The following NSUN4 variants were observed in gnomAD, a reference collection of about 807,000 sequenced individuals.
NSUN4 encodes NOP2/Sun RNA methyltransferase 4.
A neutral mutation model predicts 43.8 loss-of-function variants in NSUN4; 31 were observed. The ratio of observed to expected loss-of-function variants is 0.71; its 90% CI spans 0.53 to 0.96. The LOEUF (loss-of-function observed/expected upper bound fraction) is 0.96. Ranked by LOEUF, NSUN4 falls within the 40% of genes least tolerant of loss-of-function variation. The probability of loss-of-function intolerance (pLI) is 0.00; values close to 1 mark genes in which losing one functional copy is unlikely to be tolerated. For synonymous variants in NSUN4, 167 were observed against 184.1 expected, an observed-to-expected ratio of 0.91 and a Z score of 0.75; for missense variants, 439 against 475.6, an observed-to-expected ratio of 0.92 and a Z score of 0.72.
At chr1:46,380,634 A>G in the NSUN4 span, among the ~76,000 whole-genome samples, 219 of 152,334 alleles carry the variant, frequency 1.4e-3, 1 homozygote, top group Middle Eastern at 6.8e-3. Flanking sequence ...AACTTGCTTA[A>G]TGTTCACATC....
downstream of NSUN4, among the ~76,000 whole-genome samples, chr1:46,368,993 G>T (rs553793727): frequency 2.6e-5 from 4 of 152,190 alleles, no homozygotes; most frequent in Non-Finnish European, 5.9e-5. Flanking sequence ...GTCATGCCTT[G>T]CTGCTCCCCT....
chr1:46,381,705 T>C, the NSUN4 span, among the ~76,000 whole-genome samples: 5 of 152,220 alleles, frequency 3.3e-5, no homozygotes, highest in African/African-American at 1.2e-4. Context: ...GCTTCTCATT[T>C]TGCAAAAGGA....
intron 3 of NSUN4, among the ~76,000 whole-genome samples, chr1:46,352,147 TAAAAAA>T (rs35949811): frequency 2.2e-5 from 3 of 135,694 alleles, no homozygotes; most frequent in African/African-American, 5.4e-5. Context: ...ACCCTGTCTT[TAAAAAA>T]AAAAAAAAAG....
chr1:46,362,076 C>A lies in NSUN4; in HGVS notation c.*230C>A, dbSNP rs1392847653. ...CATTAACCCCTACCCCATCTCCAGG[C>A]CTGTACTAAAGTTTGCTGCCCGCTT... On this transcript the variant is annotated 3_prime_UTR_variant, in exon 6 of 6. Coordinates refer to ENST00000474844, the MANE Select transcript of NSUN4 (RefSeq NM_199044.4). 2 of 564,784 alleles carry A rather than the reference C, an allele frequency of 3.5e-6. No individual in the cohort carries two copies. The highest frequency in any genetic ancestry group is 6.3e-6 in the Non-Finnish European group (2 of 317,022). The allele number at this position is 564,784 out of a possible 1,614,324, so 35.0% of individuals were successfully genotyped here. A position where few individuals can be genotyped will look rare whatever the true frequency, so the allele number is the denominator to read the frequency against.
At chr1:46,377,696 CTTTTA>C in the NSUN4 span, among the ~76,000 whole-genome samples, 1 of 152,160 alleles carries the variant, frequency 6.6e-6, no homozygotes, top group Admixed American at 6.5e-5. Flanking sequence ...TTTAGTCACA[CTTTTA>C]TTTTATCTAA....
intron 4 of NSUN4, among the ~76,000 whole-genome samples, chr1:46,360,194 A>T (rs1480455761): frequency 7.6e-6 from 1 of 130,864 alleles, no homozygotes; most frequent in Non-Finnish European, 1.6e-5. Flanking sequence ...GCGCCACTGC[A>T]CTCCAGCCTG....
At position 46,352,911 on chromosome 1, in the gene NSUN4, A is replaced by G. The variant is rs756613560; in HGVS notation, c.636A>G (p.Arg212=). 5 of 1,614,080 alleles carry G rather than the reference A, an allele frequency of 3.1e-6. No homozygotes were observed. The highest frequency in any genetic ancestry group is 2.5e-6 in the Non-Finnish European group (3 of 1,180,032). Residue 212 remains arginine (R), a synonymous_variant, in exon 4 of 6, where the codon AGA becomes AGG. Transcript: ENST00000474844. ...ANDLSPSRIA[R]LQKILHSYVP... The stretch of plus-strand genomic sequence containing the variant: ...ATCTCTCCCCGTCCCGAATAGCCAG[A>G]CTACAGAAGATCCTTCACAGCTATG...
intron 4 of NSUN4, among the ~76,000 whole-genome samples, chr1:46,360,246 AAAAATAT>A (rs1344880064): frequency 2.1e-4 from 6 of 28,638 alleles, no homozygotes; most frequent in African/African-American, 5.7e-4. Flanking sequence ...AAAAAAAAAA[AAAAATAT>A]ATATATATAT....
At chr1:46,366,761 T>C (rs1018353120), downstream of NSUN4, among the ~76,000 whole-genome samples, 1 of 115,196 alleles carries the variant, frequency 8.7e-6, no homozygotes, top group African/African-American at 3.3e-5. Context: ...CAGAGAATAA[T>C]AATGCAAAAT....
downstream of NSUN4, among the ~76,000 whole-genome samples, chr1:46,366,543 T>G (rs1261030849): frequency 6.6e-6 from 1 of 150,410 alleles, no homozygotes; most frequent in Non-Finnish European, 1.5e-5. Context: ...ACATCTGAGG[T>G]CTCCCTAAAA....
intron 4 of NSUN4, 28 bp downstream of exon 4, chr1:46,353,056 A>C (rs1663120742): frequency 1.2e-6 from 2 of 1,608,656 alleles, no homozygotes; most frequent in Non-Finnish European, 1.7e-6. Context: ...TAGGACATGC[A>C]TCCAGCTTAA....
intron 2 of NSUN4, chr1:46,345,502 C>G (rs1480883167): frequency 5.3e-6 from 1 of 189,254 alleles, no homozygotes; most frequent in Non-Finnish European, 1.1e-5. Flanking sequence ...AGAAAACAGC[C>G]ACCTTTTACA....
At chr1:46,350,078 GGAGGGAGAAATT>G (rs1487680584) in intron 3 of NSUN4, among the ~76,000 whole-genome samples, 14 of 152,308 alleles carry the variant, frequency 9.2e-5, no homozygotes, top group Admixed American at 2.6e-4. Flanking sequence ...CATATTTTAT[GGAGGGAGAAATT>G]GAGTTCTGTG....
intron 4 of NSUN4, among the ~76,000 whole-genome samples, chr1:46,358,316 G>A (rs530722212): frequency 5.3e-4 from 81 of 151,440 alleles, no homozygotes; most frequent in African/African-American, 1.8e-3. Context: ...GGCTGGTCTC[G>A]AACTCCTTAC....
chr1:46,353,069 C>T (rs756938997), intron 4 of NSUN4, 41 bp downstream of exon 4: 47 of 1,588,746 alleles, frequency 3.0e-5, no homozygotes, highest in Middle Eastern at 1.7e-4. Context: ...CAGCTTAATG[C>T]GGCCTCCCCA....
downstream of NSUN4, among the ~76,000 whole-genome samples, chr1:46,368,118 A>G (rs185262543): frequency 8.7e-4 from 133 of 152,228 alleles, 1 homozygote; most frequent in African/African-American, 2.9e-3. Flanking sequence ...CCTTCCTAGC[A>G]TTCCTACCTT....
intron 3 of NSUN4, among the ~76,000 whole-genome samples, chr1:46,350,504 G>T (rs979507464): frequency 6.6e-6 from 1 of 152,188 alleles, no homozygotes; most frequent in Non-Finnish European, 1.5e-5. Flanking sequence ...TTGACTCAGA[G>T]GCCAGGTATC....
chr1:46,347,859 C>CTTTTTTTTTTTT (rs112974748), intron 3 of NSUN4, among the ~76,000 whole-genome samples: 21 of 143,172 alleles, frequency 1.5e-4, no homozygotes, highest in Non-Finnish European at 2.3e-4. Context: ...TTTTGACTTT[C>CTTTTTTTTTTTT]TTTTTTTTTT....
intron 4 of NSUN4, among the ~76,000 whole-genome samples, chr1:46,354,144 T>C (rs1246137972): frequency 1.3e-5 from 2 of 152,080 alleles, no homozygotes; most frequent in Non-Finnish European, 2.9e-5. Context: ...TTTCACTTTG[T>C]CACCCAGGCT....
Sources: gnomAD v4.1 joint callset for allele counts (sites outside exome capture counted in the v4.1 genomes callset) on GRCh38, gnomAD v4.1.1 for gene constraint, MANE v1.5 for transcripts, NCBI Gene and HGNC (gene_info 2026-07-23, HGNC 2026-07-21) for gene names.